GALNT8: variants seen among roughly 807,000 people sequenced by gnomAD.
The protein encoded by GALNT8 is probable polypeptide N-acetylgalactosaminyltransferase 8.
A neutral mutation model predicts 62.7 loss-of-function variants in GALNT8; 66 were observed. That is an observed-to-expected ratio of 1.05 (90% confidence interval 0.86 to 1.29). GALNT8 has a LOEUF of 1.29. Ranked by LOEUF, GALNT8 falls within the 50% of genes most tolerant of loss-of-function variation. GALNT8 has a pLI of 0.00. For missense variants in GALNT8, 771 were observed against 791.8 expected (o/e 0.97, Z 0.32); for synonymous variants, 288 against 294.3 (o/e 0.98, Z 0.22).
intron 7 of GALNT8, among the ~76,000 whole-genome samples, chr12:4,762,382 G>C (rs1453484445): frequency 1.3e-5 from 2 of 152,152 alleles, no homozygotes; most frequent in Non-Finnish European, 2.9e-5. Flanking sequence ...AGTGGTTTCT[G>C]CTTTTCCTAA....
rs1166505236 is a variant in GALNT8, at chr12:4,726,718, C to T, written c.398C>T (p.Ser133Phe). Residue 133 changes from serine to phenylalanine, a missense_variant, in exon 2 of 11, where the codon TCT (serine) becomes TTT (phenylalanine). Physicochemically the swap from Ser to Phe is radical, Grantham distance 155. Coordinates refer to ENST00000252318, the MANE Select transcript of GALNT8 (RefSeq NM_017417.2). The surrounding 1 kb of genome is among the most constrained non-coding windows in gnomAD (Gnocchi z 4.1). Reference protein sequence around the residue: ...QLFRQWGEDLSEAQQKAAQDL... With the variant: ...QLFRQWGEDLFEAQQKAAQDL... ...TTCAGGCAATGGGGCGAGGATCTTT[C>T]TGAGGCCCAGCAGAAGGCGGCCCAG... The T allele has an allele frequency of 1.9e-6, 3 of 1,614,028 alleles. No individual in the cohort carries two copies. The highest frequency in any genetic ancestry group is 4.5e-5 in the East Asian group (2 of 44,856).
intron 3 of GALNT8, among the ~76,000 whole-genome samples, chr12:4,743,561 G>A (rs1946281602): frequency 6.6e-6 from 1 of 152,126 alleles, no homozygotes; most frequent in Non-Finnish European, 1.5e-5. Context: ...GAGAGGGAGG[G>A]AGGACTTGGT....
chr12:4,736,614 A>G (rs1309360511), intron 2 of GALNT8, among the ~76,000 whole-genome samples: 1 of 152,098 alleles, frequency 6.6e-6, no homozygotes, highest in Non-Finnish European at 1.5e-5. Flanking sequence ...AAAAAAGATC[A>G]AGATCATGAG....
At chr12:4,723,821 T>G (rs1448251706) in intron 1 of GALNT8, among the ~76,000 whole-genome samples, 2 of 151,494 alleles carry the variant, frequency 1.3e-5, no homozygotes, top group East Asian at 3.9e-4. Context: ...TCATCCTGTT[T>G]GCTCATTGCC....
intron 3 of GALNT8, among the ~76,000 whole-genome samples, chr12:4,741,276 C>T (rs115328196): frequency 2.5e-3 from 375 of 152,092 alleles, no homozygotes; most frequent in African/African-American, 8.8e-3. Context: ...TCCAATGTAA[C>T]TAAACAAAAA....
intron 6 of GALNT8, 24 bp downstream of exon 6, chr12:4,746,282 A>G: frequency 7.9e-7 from 1 of 1,272,512 alleles, no homozygotes; most frequent in Non-Finnish European, 1.2e-6. Flanking sequence ...CCTTTTCTTT[A>G]TGGGACAAAG....
chr12:4,766,359 A>G (rs970953362), intron 10 of GALNT8, among the ~76,000 whole-genome samples: 1 of 152,190 alleles, frequency 6.6e-6, no homozygotes, highest in Non-Finnish European at 1.5e-5. Flanking sequence ...AGATGATAAT[A>G]TCTTCTGTAT....
intron 8 of GALNT8, 91 bp from the exon 9 acceptor site, chr12:4,763,861 G>T: frequency 1.3e-6 from 1 of 753,316 alleles, no homozygotes; most frequent in Non-Finnish European, 2.4e-6. Context: ...TGGTGTCCTC[G>T]GTGTGTTGGG....
At chr12:4,734,830 G>A (rs925499769) in intron 2 of GALNT8, among the ~76,000 whole-genome samples, 1 of 152,126 alleles carries the variant, frequency 6.6e-6, no homozygotes, top group Non-Finnish European at 1.5e-5. Context: ...TCCAAGGAGT[G>A]TGTGCTTTTT....
In GALNT8 at chr12:4,749,608, G is replaced by A. The variant is rs1358868552; in HGVS notation, c.1173+3350G>A. ...CAATATTCATCAGAGATATTGGCCT[G>A]TAGTTTTCTTTTCTTTTTTTTTTTT... On this transcript the variant is annotated intron_variant, in intron 6 of 10. Coordinates refer to ENST00000252318, the MANE Select transcript of GALNT8 (RefSeq NM_017417.2). This position sits in a 1 kb window ranked among gnomAD's most constrained non-coding sequence, Gnocchi z 4.1. Among the ~76,000 whole-genome samples, 2 of 151,228 alleles carry A rather than the reference G, an allele frequency of 1.3e-5. No homozygotes were observed. Among genetic ancestry groups the A allele is most frequent in the African/African-American group, 2.4e-5 (1 of 41,206 alleles).
At chr12:4,733,984 T>A (rs993102716) in intron 2 of GALNT8, among the ~76,000 whole-genome samples, 8 of 152,330 alleles carry the variant, frequency 5.3e-5, no homozygotes, top group Non-Finnish European at 1.0e-4. Flanking sequence ...TCAGTGAATG[T>A]TGCCATTGTC....
At chr12:4,757,595 T>G (rs939818057) in intron 6 of GALNT8, among the ~76,000 whole-genome samples, 7 of 152,202 alleles carry the variant, frequency 4.6e-5, no homozygotes, top group Non-Finnish European at 1.5e-5. Flanking sequence ...GAGAGCAAGC[T>G]CTTTCTTTTT....
At position 4,720,770 on chromosome 12, in the gene GALNT8, G is replaced by A. The variant is rs1224750117; in HGVS notation, c.93G>A (p.Gly31=). Residue 31 remains glycine, a synonymous_variant, in exon 1 of 11, where the codon GGG becomes GGA. Coordinates refer to ENST00000252318, the MANE Select transcript of GALNT8 (RefSeq NM_017417.2). ...TCCTTCTGGTATTTTCTAGCAAGGG[G>A]ACTTTACAAAACCTGTTTACGGGTG... is the stretch of plus-strand genomic sequence containing the variant. ...VNLLLVFSSK[G]TLQNLFTGGL... The A allele has an allele frequency of 6.2e-7, 1 of 1,612,888 alleles. No homozygotes were observed. The highest frequency in any genetic ancestry group is 1.3e-5 in the African/African-American group (1 of 74,886).
chr12:4,755,775 G>C (rs1034567180), intron 6 of GALNT8, among the ~76,000 whole-genome samples: 1 of 152,192 alleles, frequency 6.6e-6, no homozygotes, highest in Admixed American at 6.5e-5. Context: ...AGATATGTCA[G>C]TGTATTGGTT....
At chr12:4,761,290 C>T in intron 7 of GALNT8, 147 bp downstream of exon 7, 1 of 641,220 alleles carries the variant, frequency 1.6e-6, no homozygotes, top group Admixed American at 2.8e-5. Context: ...TGGCTCTTAA[C>T]ATTTATGTAA....
At chr12:4,741,557 G>T (rs1946272164) in intron 3 of GALNT8, among the ~76,000 whole-genome samples, 2 of 151,262 alleles carry the variant, frequency 1.3e-5, no homozygotes, top group African/African-American at 2.4e-5. Context: ...CTGGAATATT[G>T]TGAAAGATAT....
intron 2 of GALNT8, among the ~76,000 whole-genome samples, chr12:4,738,516 C>G (rs1028671423): frequency 6.6e-6 from 1 of 152,118 alleles, no homozygotes; most frequent in Non-Finnish European, 1.5e-5. Flanking sequence ...AACCATACAT[C>G]TGATAAGAAG....
At chr12:4,741,580 A>G (rs77650407) in intron 3 of GALNT8, among the ~76,000 whole-genome samples, 38 of 112,104 alleles carry the variant, frequency 3.4e-4, no homozygotes, top group African/African-American at 1.1e-3. Flanking sequence ...TTTTCTGTGG[A>G]AAAAAAAAAA....
chr12:4,729,967 C>A (rs574333422), intron 2 of GALNT8, among the ~76,000 whole-genome samples: 1 of 152,196 alleles, frequency 6.6e-6, no homozygotes, highest in East Asian at 1.9e-4. Flanking sequence ...TGCATTTTCC[C>A]TGATGGTTAA....
Sources: gnomAD v4.1 joint callset for allele counts (sites outside exome capture counted in the v4.1 genomes callset) on GRCh38, gnomAD v4.1.1 for gene constraint, Gnocchi (gnomAD v3.1) non-coding constraint, MANE v1.5 for transcripts, NCBI Gene and HGNC (gene_info 2026-07-23, HGNC 2026-07-21) for gene names.